The following CDK14 variants were observed in gnomAD, a reference collection of about 807,000 sequenced individuals.
CDK14 encodes the protein cyclin-dependent kinase 14.
In CDK14, 34 loss-of-function variants were observed where a neutral mutation model predicts 60.7. That is an observed-to-expected ratio of 0.56 (90% CI 0.43 to 0.75). The LOEUF (loss-of-function observed/expected upper bound fraction) is 0.75. Ranked by LOEUF, CDK14 falls within the 30% of genes least tolerant of loss-of-function variation. The pLI, the probability that CDK14 is intolerant of heterozygous loss-of-function variation, is 0.00. For synonymous variants in CDK14, 197 were observed against 203.7 expected (o/e 0.97, Z 0.28); for missense variants, 482 against 564.1 (o/e 0.85, Z 1.47).
At chr7:90,765,468 G>A (rs1804514636) in intron 4 of CDK14, among the ~76,000 whole-genome samples, 1 of 152,316 alleles carries the variant, frequency 6.6e-6, no homozygotes, top group Admixed American at 6.5e-5. Context: ...ATTGTCTAGA[G>A]AGGTGGCGAG....
At chr7:91,195,182 T>C (rs560301180) in intron 14 of CDK14, among the ~76,000 whole-genome samples, 1 of 152,356 alleles carries the variant, frequency 6.6e-6, no homozygotes, top group South Asian at 2.1e-4. Context: ...CCTAGTCCAA[T>C]ACATGCAACC....
chr7:90,917,640 C>T lies in CDK14; in HGVS notation c.742C>T (p.His248Tyr). 1 of 1,613,502 alleles carries T rather than the reference C, an allele frequency of 6.2e-7. No individual in the cohort carries two copies. Among genetic ancestry groups the T allele is most frequent in the South Asian group, 1.1e-5 (1 of 91,040 alleles). ...FQLLRGLSYI[H>Y]QRYILHRDLK... ...GTTGCTGCGAGGTCTGTCTTACATC[C>T]ACCAGCGTTATATTTTGCACAGAGA... The change falls in exon 8 of 15, where the codon CAC (histidine) becomes TAC (tyrosine). Residue 248 changes from histidine to tyrosine, a missense_variant. Physicochemically the swap from His to Tyr is moderately conservative, Grantham distance 83. Transcript: ENST00000380050.
chr7:90,597,671 G>C (rs1442656213), intron 1 of CDK14, among the ~76,000 whole-genome samples: 1 of 152,128 alleles, frequency 6.6e-6, no homozygotes, highest in Non-Finnish European at 1.5e-5. Context: ...TGTCATCCAT[G>C]TTAACGAAAG....
intron 4 of CDK14, among the ~76,000 whole-genome samples, chr7:90,774,124 G>A (rs186598840): frequency 2.6e-4 from 40 of 151,924 alleles, no homozygotes; most frequent in African/African-American, 8.4e-4. Flanking sequence ...GGCTGGTCAC[G>A]AACTCCTGAC....
At chr7:91,084,843 G>A (rs1239356521) in intron 12 of CDK14, among the ~76,000 whole-genome samples, 3 of 152,134 alleles carry the variant, frequency 2.0e-5, no homozygotes, top group Non-Finnish European at 4.4e-5. Flanking sequence ...AAAAGTGCAC[G>A]CTTACGATGC....
At chr7:90,698,887 T>TA (rs1335460909) in intron 2 of CDK14, among the ~76,000 whole-genome samples, 1 of 152,200 alleles carries the variant, frequency 6.6e-6, no homozygotes, top group Non-Finnish European at 1.5e-5. Context: ...TCTCGACTCT[T>TA]ACCCTGCAGC....
chr7:90,664,250 C>T (rs557768821), intron 2 of CDK14, among the ~76,000 whole-genome samples: 2 of 152,356 alleles, frequency 1.3e-5, no homozygotes, highest in East Asian at 3.9e-4. Flanking sequence ...TTCCATCTCA[C>T]ACCAGTTAGA....
intron 2 of CDK14, among the ~76,000 whole-genome samples, chr7:90,690,283 C>A (rs1393623038): frequency 1.3e-5 from 2 of 152,142 alleles, no homozygotes; most frequent in Non-Finnish European, 2.9e-5. Flanking sequence ...TTGTGTGACA[C>A]TTAAGTGTGT....
rs1799189894 is a variant in CDK14, at chr7:90,596,569, G to A, written c.-59G>A. The A allele has an allele frequency of 6.8e-6, 10 of 1,463,792 alleles. No individual in the cohort carries two copies. Among genetic ancestry groups the A allele is most frequent in the Non-Finnish European group, 9.5e-6 (10 of 1,052,648 alleles). 90.7% of individuals were successfully genotyped at this position (1,463,792 alleles called of 1,614,324 possible). On this transcript the variant is annotated 5_prime_UTR_variant, in exon 1 of 15. Transcript: ENST00000380050. ...TTTCCCCGCGGCGCGCGCCCTCGCC[G>A]TTGTCTGAGCTGTGCCTGGACCAGT... is the stretch of plus-strand genomic sequence containing the variant.
At chr7:90,914,095 G>A (rs1283053444) in intron 7 of CDK14, among the ~76,000 whole-genome samples, 1 of 152,030 alleles carries the variant, frequency 6.6e-6, no homozygotes, top group Non-Finnish European at 1.5e-5. Context: ...TGTCTTTCTC[G>A]GAATTTATGT....
chr7:90,792,145 T>C (rs7455725), intron 5 of CDK14, among the ~76,000 whole-genome samples: 138,251 of 151,388 alleles, frequency 0.91, 63,249 homozygotes, highest in East Asian at 1. Context: ...AGTGATCCAC[T>C]CACCTCGGCC....
chr7:90,786,841 C>T (rs1414908089), intron 4 of CDK14, among the ~76,000 whole-genome samples: 1 of 149,840 alleles, frequency 6.7e-6, no homozygotes, highest in Non-Finnish European at 1.5e-5. Flanking sequence ...ATCTCTTGAG[C>T]CCCGGAGATG....
At chr7:90,850,767 G>A (rs1420596319) in intron 5 of CDK14, among the ~76,000 whole-genome samples, 1 of 152,152 alleles carries the variant, frequency 6.6e-6, no homozygotes, top group Non-Finnish European at 1.5e-5. Context: ...TCTAAGTCCT[G>A]TTAAGCAGCT....
chr7:90,618,359 A>G (rs1799695869), intron 2 of CDK14, among the ~76,000 whole-genome samples: 1 of 152,122 alleles, frequency 6.6e-6, no homozygotes, highest in African/African-American at 2.4e-5. Context: ...CGTAAACATA[A>G]AATGCTTCCA....
chr7:91,168,582 C>T (rs2115786161), intron 14 of CDK14, among the ~76,000 whole-genome samples: 1 of 152,228 alleles, frequency 6.6e-6, no homozygotes, highest in African/African-American at 2.4e-5. Context: ...GAATTTTTCT[C>T]TCTTAAAAAG....
At chr7:90,955,545 G>A (rs1794385338) in intron 8 of CDK14, 152 bp from the exon 9 acceptor site, 4 of 725,450 alleles carry the variant, frequency 5.5e-6, no homozygotes, top group Non-Finnish European at 6.8e-6. Flanking sequence ...ACCACAATAT[G>A]CTTTCCCCAG....
chr7:90,989,768 A>G (rs1187069673), intron 10 of CDK14, among the ~76,000 whole-genome samples: 3 of 152,338 alleles, frequency 2.0e-5, no homozygotes, highest in South Asian at 4.1e-4. Context: ...CAAATTGGAC[A>G]GTAGTTTCTG....
chr7:90,596,687 G>C lies in CDK14; in HGVS notation c.60G>C (p.Arg20=), dbSNP rs1234683311. The part of the protein sequence containing the change: ...AEKIGKMKKL[R]RTLSESFSRI... ...AGATCGGCAAGATGAAGAAGTTGCG[G>C]AGAACTTTGTCGGAGAGTTTCAGTC... The change falls in exon 1 of 15, where the codon CGG becomes CGC. Residue 20 remains arginine (R), a synonymous_variant. Coordinates refer to ENST00000380050, the MANE Select transcript of CDK14 (RefSeq NM_001287135.2). 9 of 1,611,992 alleles carry C rather than the reference G, an allele frequency of 5.6e-6. No homozygotes were observed. The highest frequency in any genetic ancestry group is 1.6e-4 in the Middle Eastern group (1 of 6,078).
chr7:90,758,998 G>C (rs966360318), intron 4 of CDK14, among the ~76,000 whole-genome samples: 1 of 150,368 alleles, frequency 6.7e-6, no homozygotes, highest in African/African-American at 2.5e-5. Flanking sequence ...AGAGGTTGCA[G>C]TGAGTCGAGA....
Sources: gnomAD v4.1 joint callset for allele counts (sites outside exome capture counted in the v4.1 genomes callset) on GRCh38, gnomAD v4.1.1 for gene constraint, MANE v1.5 for transcripts, NCBI Gene and HGNC (gene_info 2026-07-23, HGNC 2026-07-21) for gene names.